Variants in SCLT1 observed in about 807,000 individuals in gnomAD.
SCLT1 encodes sodium channel-associated protein 1.
A neutral mutation model predicts 112.8 loss-of-function variants in SCLT1; 78 were observed. The ratio of observed to expected loss-of-function variants is 0.69; its 90% confidence interval spans 0.58 to 0.83. The LOEUF (loss-of-function observed/expected upper bound fraction) is 0.83. SCLT1 is among the 40% of genes least tolerant of loss of function. The pLI, the probability that SCLT1 is intolerant of heterozygous loss-of-function variation, is 0.00. For missense variants in SCLT1, 747 were observed against 770.4 expected, an observed-to-expected ratio of 0.97 and a Z score of 0.36; for synonymous variants, 257 against 254.7, an observed-to-expected ratio of 1.01 and a Z score of -0.09.
chr4:129,010,348 T>C (rs933479088), intron 5 of SCLT1, among the ~76,000 whole-genome samples: 4 of 152,190 alleles, frequency 2.6e-5, no homozygotes, highest in African/African-American at 9.7e-5. Flanking sequence ...TCAGGCAGCA[T>C]GATGTCTCCA....
chr4:129,041,420 T>C (rs193088214), intron 4 of SCLT1, among the ~76,000 whole-genome samples: 8 of 152,344 alleles, frequency 5.3e-5, no homozygotes, highest in Admixed American at 3.3e-4. Context: ...GCCTACATAA[T>C]TTCAAATGCA....
chr4:128,884,623 C>T, intron 20 of SCLT1, 84 bp from the exon 21 acceptor site: 1 of 820,996 alleles, frequency 1.2e-6, no homozygotes, highest in Non-Finnish European at 2.1e-6. Flanking sequence ...GCATCACAAC[C>T]TATAAGTACT....
chr4:129,029,203 T>G (rs1746450989), intron 5 of SCLT1, among the ~76,000 whole-genome samples: 1 of 152,146 alleles, frequency 6.6e-6, no homozygotes, highest in Non-Finnish European at 1.5e-5. Flanking sequence ...TTATAAATCA[T>G]GCTGGTATAA....
rs200386058 is a variant in SCLT1 at position 129,027,629 on chromosome 4, T to C, written c.290+11412A>G. Among the ~76,000 whole-genome samples the C allele has an allele frequency of 9.2e-5, 14 of 151,962 alleles. No individual in the cohort carries two copies. The East Asian group carries it at 1.7e-3, about 19-fold the overall frequency. The stretch of plus-strand genomic sequence containing the variant: ...TGAAAACTGGCACAAGACAGGGATG[T>C]CCTCTCTCACCACTCCTATTCAACA... On this transcript the variant is annotated intron_variant, in intron 5 of 20. Transcript: ENST00000281142.
At chr4:129,059,130 G>GT (rs1002325400) in intron 2 of SCLT1, among the ~76,000 whole-genome samples, 1 of 152,112 alleles carries the variant, frequency 6.6e-6, no homozygotes, top group African/African-American at 2.4e-5. Context: ...TTTGAGTAGA[G>GT]TATCTTTTCC....
At chr4:129,066,931 G>C (rs1750540484) in intron 2 of SCLT1, among the ~76,000 whole-genome samples, 1 of 152,040 alleles carries the variant, frequency 6.6e-6, no homozygotes, top group African/African-American at 2.4e-5. Flanking sequence ...AAGGAAACAG[G>C]TGAGGAAATA....
At chr4:128,930,363 T>G (rs1402776761) in intron 18 of SCLT1, among the ~76,000 whole-genome samples, 3 of 152,158 alleles carry the variant, frequency 2.0e-5, no homozygotes, top group Non-Finnish European at 4.4e-5. Context: ...CATTAAGTCT[T>G]CAGATGACAT....
At chr4:128,956,747 CA>C (rs1739244823) in intron 13 of SCLT1, among the ~76,000 whole-genome samples, 1 of 151,488 alleles carries the variant, frequency 6.6e-6, no homozygotes, top group Non-Finnish European at 1.5e-5. Flanking sequence ...ATATTGCCCA[CA>C]AAAAATACAG....
intron 18 of SCLT1, among the ~76,000 whole-genome samples, chr4:128,902,272 T>C (rs1339885497): frequency 6.6e-6 from 1 of 152,194 alleles, no homozygotes; most frequent in Admixed American, 6.5e-5. Flanking sequence ...CAAATCCAAA[T>C]GGAGTCATGC....
chr4:128,914,145 C>T (rs1032012497), intron 18 of SCLT1, among the ~76,000 whole-genome samples: 1 of 152,136 alleles, frequency 6.6e-6, no homozygotes, highest in Non-Finnish European at 1.5e-5. Context: ...GCAGGTGGAT[C>T]ATGAGGTTAG....
At chr4:128,910,088 T>C (rs1050856354) in intron 18 of SCLT1, among the ~76,000 whole-genome samples, 3 of 152,236 alleles carry the variant, frequency 2.0e-5, no homozygotes, top group African/African-American at 7.2e-5. Context: ...TGTCACCGCA[T>C]GCTTATACAC....
In SCLT1 at chr4:129,048,386, C is replaced by T. The variant is rs550449472; in HGVS notation, c.103-4335G>A. ...AAAAACAAGCAATGGGGAAAGGATTCCCTATTTAATAAATGGTGCTGGGAA... is the reference window on the plus strand; with the variant it reads ...AAAAACAAGCAATGGGGAAAGGATTTCCTATTTAATAAATGGTGCTGGGAA... On this transcript the variant is annotated intron_variant, in intron 2 of 20. Coordinates refer to ENST00000281142, the MANE Select transcript of SCLT1 (RefSeq NM_144643.4). 1.1e-4 allele frequency among the ~76,000 whole-genome samples: 17 copies of T among 151,598 alleles called. No individual in the cohort carries two copies. The South Asian group carries it at 2.5e-3, about 23-fold the overall frequency.
chr4:129,034,994 T>C (rs969945480), intron 5 of SCLT1, among the ~76,000 whole-genome samples: 1 of 152,140 alleles, frequency 6.6e-6, no homozygotes, highest in African/African-American at 2.4e-5. Flanking sequence ...TAAGTGAGAA[T>C]AGTCATTTCT....
intron 5 of SCLT1, among the ~76,000 whole-genome samples, chr4:129,009,257 T>C (rs1214553018): frequency 1.3e-5 from 2 of 152,162 alleles, no homozygotes; most frequent in African/African-American, 4.8e-5. Flanking sequence ...GGCTCACGCC[T>C]ATAATCCCAG....
At chr4:128,966,178 T>C (rs975356936) in intron 10 of SCLT1, among the ~76,000 whole-genome samples, 1 of 149,640 alleles carries the variant, frequency 6.7e-6, no homozygotes, top group African/African-American at 2.5e-5. Context: ...TTACCTAGGC[T>C]GCACTCAAAC....
intron 18 of SCLT1, among the ~76,000 whole-genome samples, chr4:128,917,716 C>T (rs1051498498): frequency 6.6e-6 from 1 of 152,090 alleles, no homozygotes; most frequent in African/African-American, 2.4e-5. Flanking sequence ...GAAAATGTTC[C>T]AAGACAACTT....
rs1485609047 is a variant in SCLT1 at position 129,081,917 on chromosome 4, A to G, written c.102+389T>C. On this transcript the variant is annotated intron_variant, in intron 2 of 20. Coordinates refer to ENST00000281142, the MANE Select transcript of SCLT1 (RefSeq NM_144643.4). ...AATTTTTTAAACACAATATTTAAAT[A>G]AGAAGATATGACAACCAAGGAAAAA... Among the ~76,000 whole-genome samples the G allele has an allele frequency of 7.9e-5, 12 of 152,212 alleles. No homozygotes were observed. The South Asian group carries it at 2.5e-3, about 32-fold the overall frequency.
At chr4:129,051,959 CT>C (rs567262992) in intron 2 of SCLT1, among the ~76,000 whole-genome samples, 1 of 151,608 alleles carries the variant, frequency 6.6e-6, no homozygotes, top group Non-Finnish European at 1.5e-5. Flanking sequence ...TTGTCGAAGG[CT>C]TTTTTTTGCA....
rs1753025524 is a variant in SCLT1, at chr4:129,093,315, C to G, written c.-212G>C. On this transcript the variant is annotated 5_prime_UTR_variant, in exon 1 of 21. Coordinates refer to ENST00000281142, the MANE Select transcript of SCLT1 (RefSeq NM_144643.4). ...ACGAGTCCCTGGCCCTGGTGAGAGA[C>G]TGAAGATTGCTGGGGACTCCACGTT... The G allele has an allele frequency of 5.0e-6, 3 of 596,194 alleles. No individual in the cohort carries two copies. The Admixed American group carries it at 8.9e-5, about 18-fold the overall frequency. 36.9% of individuals were successfully genotyped at this position (596,194 alleles called of 1,614,324 possible).
Sources: allele counts gnomAD v4.1 joint callset (sites outside exome capture counted in the v4.1 genomes callset), GRCh38; gene constraint gnomAD v4.1.1; transcripts MANE v1.5; gene names NCBI Gene and HGNC (gene_info 2026-07-23, HGNC 2026-07-21).